Variants in CDK6 observed in about 807,000 individuals in gnomAD.
CDK6 encodes cyclin-dependent kinase 6.
In CDK6, 6 loss-of-function variants were observed where a neutral mutation model predicts 37.1. That is an observed-to-expected ratio of 0.16 (90% CI 0.09 to 0.32). The LOEUF (loss-of-function observed/expected upper bound fraction) is 0.32. Among genes scored for constraint, CDK6 ranks in the 10% least tolerant of loss-of-function variants. The pLI is 1.00. For missense variants in CDK6, 224 were observed against 418.9 expected (o/e 0.53, Z 4.06); for synonymous variants, 160 against 161.3 (o/e 0.99, Z 0.06).
rs3731315 is a variant in CDK6, at chr7:92,725,865, G to A, written c.370-72C>T. On this transcript the variant is annotated intron_variant, in intron 3 of 7. Coordinates refer to ENST00000424848, the MANE Select transcript of CDK6 (RefSeq NM_001145306.2). ...TTGAGCATTTGCTATGCTGGACGCC[G>A]AATCCTTAGCATTTTGTGGCTGCTT... is the stretch of plus-strand genomic sequence containing the variant. 3.7e-3 allele frequency: 5,100 copies of A among 1,389,350 alleles called. 163 individuals are homozygous for A. In the Admixed American group the frequency reaches 0.072, roughly 20 times the overall value. 86.1% of individuals were successfully genotyped at this position (1,389,350 alleles called of 1,614,324 possible). A position where few individuals can be genotyped will look rare whatever the true frequency, so the allele number is the denominator to read the frequency against.
chr7:92,614,472 G>GTGT lies in CDK6; in HGVS notation c.*665_*667dup, dbSNP rs1795628413. The GTGT allele has an allele frequency of 4.3e-6, 1 of 232,986 alleles. No homozygotes were observed. 14.4% of individuals were successfully genotyped at this position (232,986 alleles called of 1,614,324 possible). ...TAGAATTTTTTCTCCTTTTTGCTGT[G>GTGT]TGTATAAAACTTCATCTTTTACTGC... On this transcript the variant is annotated 3_prime_UTR_variant, in exon 8 of 8. Transcript: ENST00000424848.
intron 3 of CDK6, among the ~76,000 whole-genome samples, chr7:92,743,176 G>C (rs1798970425): frequency 6.6e-6 from 1 of 151,812 alleles, no homozygotes; most frequent in Non-Finnish European, 1.5e-5. Context: ...TTGAGTTCGA[G>C]ACCAGCCTGG....
intron 4 of CDK6, among the ~76,000 whole-genome samples, chr7:92,711,470 T>C (rs928822540): frequency 6.6e-6 from 1 of 151,440 alleles, no homozygotes; most frequent in Non-Finnish European, 1.5e-5. Flanking sequence ...TTTAACAAAC[T>C]GTTAATAGTG....
At chr7:92,634,407 A>G (rs1796122403) in intron 5 of CDK6, among the ~76,000 whole-genome samples, 1 of 151,858 alleles carries the variant, frequency 6.6e-6, no homozygotes. Context: ...TGCTGGTACC[A>G]CATTATTTTT....
chr7:92,691,539 T>C (rs1464945783), intron 4 of CDK6, among the ~76,000 whole-genome samples: 1 of 152,222 alleles, frequency 6.6e-6, no homozygotes, highest in Non-Finnish European at 1.5e-5. Context: ...ATAAAATATT[T>C]CTTAGATTTT....
chr7:92,785,122 G>A (rs1800091938), intron 2 of CDK6, among the ~76,000 whole-genome samples: 1 of 152,126 alleles, frequency 6.6e-6, no homozygotes, highest in Non-Finnish European at 1.5e-5. Context: ...GCCCAAAACT[G>A]TAAATAACCC....
chr7:92,821,153 C>T (rs1458536075), intron 2 of CDK6, among the ~76,000 whole-genome samples: 2 of 152,204 alleles, frequency 1.3e-5, no homozygotes, highest in South Asian at 2.1e-4. Context: ...GTACATTCAA[C>T]TATTCTGAAG....
chr7:92,802,941 A>G (rs1437745761), intron 2 of CDK6, among the ~76,000 whole-genome samples: 1 of 152,192 alleles, frequency 6.6e-6, no homozygotes, highest in Non-Finnish European at 1.5e-5. Context: ...AATGTCCCCT[A>G]GGAGCAAAAC....
chr7:92,695,397 G>C (rs1797694500), intron 4 of CDK6, among the ~76,000 whole-genome samples: 1 of 152,122 alleles, frequency 6.6e-6, no homozygotes, highest in Admixed American at 6.5e-5. Flanking sequence ...TCAAGCTAAA[G>C]GACAAAGAGA....
chr7:92,750,445 A>C (rs1799162349), intron 3 of CDK6, among the ~76,000 whole-genome samples: 1 of 152,182 alleles, frequency 6.6e-6, no homozygotes, highest in Non-Finnish European at 1.5e-5. Context: ...TTTTGGTTAC[A>C]ATCCTAATTT....
intron 4 of CDK6, among the ~76,000 whole-genome samples, chr7:92,692,179 T>C (rs1327080394): frequency 1.3e-5 from 2 of 151,944 alleles, no homozygotes; most frequent in Admixed American, 6.5e-5. Flanking sequence ...GGCAGGAGAA[T>C]TGCTTGAACC....
At chr7:92,644,359 T>A (rs1278916024) in intron 5 of CDK6, among the ~76,000 whole-genome samples, 7 of 152,160 alleles carry the variant, frequency 4.6e-5, no homozygotes, top group Admixed American at 4.6e-4. Flanking sequence ...AGGGAATATT[T>A]TTGAGGTTTA....
chr7:92,639,538 G>A (rs1207945243), intron 5 of CDK6, among the ~76,000 whole-genome samples: 1 of 152,236 alleles, frequency 6.6e-6, no homozygotes, highest in Non-Finnish European at 1.5e-5. Context: ...ATTGGAGTCA[G>A]TGTCTTAGGC....
chr7:92,669,078 C>G (rs960017519), intron 5 of CDK6, among the ~76,000 whole-genome samples: 2 of 152,228 alleles, frequency 1.3e-5, no homozygotes, highest in Admixed American at 1.3e-4. Context: ...CAAAGGAACC[C>G]TCCCCTGAGC....
intron 4 of CDK6, among the ~76,000 whole-genome samples, chr7:92,672,192 C>G (rs13242050): frequency 3.9e-4 from 35 of 88,986 alleles, no homozygotes; most frequent in South Asian, 1.4e-3. Flanking sequence ...CAGACACATA[C>G]ACACACACAC....
rs982341221 is a variant in CDK6 at position 92,819,677 on chromosome 7, TA to T, written c.233+13413del. Among the ~76,000 whole-genome samples the T allele has an allele frequency of 5.1e-4, 78 of 151,928 alleles. 1 individual carries two copies. Among genetic ancestry groups the T allele is most frequent in the Admixed American group, 9.8e-4 (15 of 15,242 alleles). ...GAAACAGAGATAATGTGGAGGACTT[TA>T]AAAAAATTCACAGTAATTCAAAGAA... On this transcript the variant is annotated intron_variant, in intron 2 of 7. Coordinates refer to ENST00000424848, the MANE Select transcript of CDK6 (RefSeq NM_001145306.2).
At chr7:92,774,566 T>C (rs1584075851) in intron 3 of CDK6, 130 bp downstream of exon 3, 1 of 752,126 alleles carries the variant, frequency 1.3e-6, no homozygotes, top group East Asian at 2.9e-5. Flanking sequence ...AACATTTTCT[T>C]TGATTTTTTT....
At chr7:92,632,789 T>C (rs1055108961) in intron 5 of CDK6, among the ~76,000 whole-genome samples, 1 of 149,562 alleles carries the variant, frequency 6.7e-6, no homozygotes, top group African/African-American at 2.6e-5. Context: ...ATTTAAAAAG[T>C]AACAGATTAT....
intron 2 of CDK6, among the ~76,000 whole-genome samples, chr7:92,812,017 T>G (rs2115944637): frequency 6.6e-6 from 1 of 152,276 alleles, no homozygotes; most frequent in Admixed American, 6.5e-5. Context: ...TATGTGCCTG[T>G]AATCCCAGCT....
Sources: gnomAD v4.1 joint callset for allele counts (sites outside exome capture counted in the v4.1 genomes callset) on GRCh38, gnomAD v4.1.1 for gene constraint, MANE v1.5 for transcripts, NCBI Gene and HGNC (gene_info 2026-07-23, HGNC 2026-07-21) for gene names.